CSMD1: variants seen among roughly 807,000 people sequenced by gnomAD.
The protein encoded by CSMD1 is CUB and Sushi multiple domains 1.
A neutral mutation model predicts 417.5 loss-of-function variants in CSMD1; 213 were observed. That is an observed-to-expected ratio of 0.51 (90% CI 0.46 to 0.57). The LOEUF is 0.57. Among genes scored for constraint, CSMD1 ranks in the 20% least tolerant of loss-of-function variants. The probability of loss-of-function intolerance (pLI) is 0.00; values close to 1 mark genes in which losing one functional copy is unlikely to be tolerated. For missense variants in CSMD1, 6,923 were observed against 4,529.7 expected, an observed-to-expected ratio of 1.53 and a Z score of -15.17; for synonymous variants, 2,862 against 1,736.8, an observed-to-expected ratio of 1.65 and a Z score of -16.11.
At position 4,441,436 on chromosome 8, in the gene CSMD1, TTTC is replaced by T. The variant is rs138976418; in HGVS notation, c.303-21374_303-21372del. 5.2e-3 allele frequency among the ~76,000 whole-genome samples: 790 copies of T among 152,012 alleles called. 4 individuals carry two copies. The highest frequency in any genetic ancestry group is 0.018 in the African/African-American group (742 of 41,456). On this transcript the variant is annotated intron_variant, in intron 2 of 69. Transcript: ENST00000635120. ...CCCCAGAAGTCATCTTTAAGATTAC[TTTC>T]TTAAAATGAAATCAGTGTTGAATGT... is the stretch of plus-strand genomic sequence containing the variant.
At chr8:3,148,171 G>A (rs1415765484) in intron 40 of CSMD1, among the ~76,000 whole-genome samples, 1 of 152,078 alleles carries the variant, frequency 6.6e-6, no homozygotes, top group African/African-American at 2.4e-5. Flanking sequence ...ATCAAAAAGG[G>A]GAGAAATCAT....
At chr8:4,790,861 A>T (rs1585103168) in intron 1 of CSMD1, among the ~76,000 whole-genome samples, 1 of 152,232 alleles carries the variant, frequency 6.6e-6, no homozygotes, top group Non-Finnish European at 1.5e-5. Context: ...TAAACGGAAA[A>T]CCTAAACTAT....
At position 3,289,557 on chromosome 8, in the gene CSMD1, T is replaced by G. The variant is rs1460860004; in HGVS notation, c.3951-5211A>C. ...ATGGTATCTCATTGTGGTTTTGATT[T>G]GCATTTCTCTGATGGCCGGTGATGA... On this transcript the variant is annotated intron_variant, in intron 25 of 69. Transcript: ENST00000635120. Among the ~76,000 whole-genome samples, 5 of 134,454 alleles carry G rather than the reference T, an allele frequency of 3.7e-5. 1 individual carries two copies. The East Asian group carries it at 1.1e-3, about 28-fold the overall frequency. The allele number at this position is 134,454 out of a possible 152,430, so 88.2% of individuals were successfully genotyped here.
chr8:4,565,798 G>C (rs866305513), intron 2 of CSMD1, among the ~76,000 whole-genome samples: 1 of 58,434 alleles, frequency 1.7e-5, no homozygotes, highest in East Asian at 4.9e-4. Context: ...ATATATATAT[G>C]TATACATATA....
chr8:3,032,071 G>A (rs1277465787), intron 50 of CSMD1, among the ~76,000 whole-genome samples: 1 of 151,490 alleles, frequency 6.6e-6, no homozygotes, highest in Non-Finnish European at 1.5e-5. Flanking sequence ...AGAAAGAGAG[G>A]AAAGAAACGT....
At chr8:4,484,888 G>C (rs866291361) in intron 2 of CSMD1, among the ~76,000 whole-genome samples, 1 of 149,924 alleles carries the variant, frequency 6.7e-6, no homozygotes, top group African/African-American at 2.5e-5. Context: ...CGGGAGAATG[G>C]CGTGAACCCG....
intron 2 of CSMD1, among the ~76,000 whole-genome samples, chr8:4,424,597 G>C (rs1461642253): frequency 6.6e-6 from 1 of 151,998 alleles, no homozygotes; most frequent in African/African-American, 2.4e-5. Context: ...TTATACTGCT[G>C]GTGGAAATAT....
chr8:4,625,716 G>C (rs900373789), intron 2 of CSMD1, among the ~76,000 whole-genome samples: 1 of 152,022 alleles, frequency 6.6e-6, no homozygotes, highest in African/African-American at 2.4e-5. Context: ...ACATATTCAA[G>C]ACAGGCTTGG....
chr8:3,197,245 T>G (rs189150603), intron 33 of CSMD1, among the ~76,000 whole-genome samples: 412 of 152,248 alleles, frequency 2.7e-3, no homozygotes, highest in African/African-American at 9.6e-3. Context: ...TCACACGTTT[T>G]TTTGCACACT....
intron 1 of CSMD1, among the ~76,000 whole-genome samples, chr8:4,724,510 T>TCA (rs146208249): frequency 1.4e-4 from 21 of 144,988 alleles, no homozygotes; most frequent in Non-Finnish European, 2.7e-4. Flanking sequence ...TAGTAGCTCT[T>TCA]TATATATATA....
In CSMD1 at chr8:3,396,325, G is replaced by C; in HGVS notation, c.2462C>G (p.Ser821Trp). The change falls in exon 17 of 70, where the codon TCG becomes TGG. Residue 821 changes from serine to tryptophan, a missense_variant. By Grantham distance (177) the Ser-to-Trp change is radical (BLOSUM62 -3). Transcript: ENST00000635120. ...TLEVRDGPAS[S>W]SPLIGEYHGT... ...GTGGTACTCGCCGATCAGTGGGGACGAACTGGCTGGCCCATCTCTGACCTC... is the reference window on the plus strand; with the variant it reads ...GTGGTACTCGCCGATCAGTGGGGACCAACTGGCTGGCCCATCTCTGACCTC... The C allele has an allele frequency of 2.5e-6, 4 of 1,607,826 alleles. No individual in the cohort carries two copies. The highest frequency in any genetic ancestry group is 2.2e-5 in the East Asian group (1 of 44,698).
At position 4,277,632 on chromosome 8, in the gene CSMD1, G is replaced by C. The variant is rs181962899; in HGVS notation, c.415+142321C>G. On this transcript the variant is annotated intron_variant, in intron 3 of 69. Coordinates refer to ENST00000635120, the MANE Select transcript of CSMD1 (RefSeq NM_033225.6). Reference sequence around the variant, plus strand: ...TGTCTCATACTTCCCTTTCTCACAAGGATATGCAGAAACAACCTGTTTGTA... The same window carrying C: ...TGTCTCATACTTCCCTTTCTCACAACGATATGCAGAAACAACCTGTTTGTA... Among the ~76,000 whole-genome samples, 528 of 152,192 alleles carry C rather than the reference G, an allele frequency of 3.5e-3. 3 individuals carry two copies. Among genetic ancestry groups the C allele is most frequent in the Admixed American group, 6.7e-3 (103 of 15,276 alleles).
intron 2 of CSMD1, among the ~76,000 whole-genome samples, chr8:4,623,764 TGGCA>T (rs1801922829): frequency 6.6e-6 from 1 of 152,030 alleles, no homozygotes; most frequent in African/African-American, 2.4e-5. Context: ...TCATATAATT[TGGCA>T]TATATAATAT....
intron 12 of CSMD1, among the ~76,000 whole-genome samples, chr8:3,449,168 G>A (rs1381421324): frequency 6.6e-6 from 1 of 152,186 alleles, no homozygotes; most frequent in African/African-American, 2.4e-5. Flanking sequence ...CTTGAAATTA[G>A]TTGGTGGGGG....
intron 10 of CSMD1, among the ~76,000 whole-genome samples, chr8:3,499,212 G>A (rs981074287): frequency 4.6e-5 from 7 of 152,152 alleles, no homozygotes; most frequent in East Asian, 3.9e-4. Context: ...TTTGTATTCT[G>A]CATGAGTACA....
At chr8:3,297,727 A>G (rs906010099) in intron 25 of CSMD1, among the ~76,000 whole-genome samples, 8 of 152,204 alleles carry the variant, frequency 5.3e-5, no homozygotes, top group Admixed American at 1.3e-4. Flanking sequence ...TAATATTTGT[A>G]TAGCTTTGGG....
intron 5 of CSMD1, among the ~76,000 whole-genome samples, chr8:3,825,669 C>T (rs191820838): frequency 3.9e-5 from 6 of 152,214 alleles, no homozygotes; most frequent in Admixed American, 3.3e-4. Context: ...CCAAGTTTTA[C>T]TCTCTAGGCT....
chr8:3,137,745 G>C (rs754538580), intron 41 of CSMD1, among the ~76,000 whole-genome samples: 6 of 152,154 alleles, frequency 3.9e-5, no homozygotes, highest in Non-Finnish European at 7.3e-5. Context: ...ATAAGAAAAA[G>C]AGTCTGTGCA....
At chr8:3,904,647 T>G (rs997008208) in intron 5 of CSMD1, among the ~76,000 whole-genome samples, 70 of 150,824 alleles carry the variant, frequency 4.6e-4, no homozygotes, top group Non-Finnish European at 8.4e-4. Context: ...TTCTTTTTTT[T>G]TTTTTTTGAG....
Sources: allele counts gnomAD v4.1 joint callset (sites outside exome capture counted in the v4.1 genomes callset), GRCh38; gene constraint gnomAD v4.1.1; transcripts MANE v1.5; gene names NCBI Gene and HGNC (gene_info 2026-07-23, HGNC 2026-07-21).